Variants in RALGPS1 observed in about 807,000 individuals in gnomAD.
RALGPS1 encodes the protein Ral GEF with PH domain and SH3 binding motif 1.
A neutral mutation model predicts 78.8 loss-of-function variants in RALGPS1; 19 were observed. That is an observed-to-expected ratio of 0.24 (90% CI 0.17 to 0.35). The LOEUF is 0.35. RALGPS1 is among the 10% of genes least tolerant of loss of function. RALGPS1 has a pLI of 1.00. For missense variants in RALGPS1, 454 were observed against 688.3 expected (o/e 0.66, Z 3.81); for synonymous variants, 228 against 256.3 (o/e 0.89, Z 1.06).
chr9:126,939,779 C>G, intron 1 of RALGPS1, among the ~76,000 whole-genome samples: 1 of 152,196 alleles, frequency 6.6e-6, no homozygotes, highest in East Asian at 1.9e-4. Context: ...TATGGTTGAG[C>G]AGGGAGCAGC....
intron 1 of RALGPS1, among the ~76,000 whole-genome samples, chr9:126,918,936 C>G (rs953193660): frequency 6.6e-6 from 1 of 152,124 alleles, no homozygotes; most frequent in African/African-American, 2.4e-5. Context: ...TCCCAAAGTG[C>G]TGGGATTATA....
intron 4 of RALGPS1, among the ~76,000 whole-genome samples, chr9:126,981,568 C>T (rs745876642): frequency 6.1e-4 from 93 of 152,308 alleles, no homozygotes; most frequent in Middle Eastern, 3.4e-3. Flanking sequence ...GCTGGGTAGC[C>T]TGGGCTGTTT....
intron 8 of RALGPS1, among the ~76,000 whole-genome samples, chr9:127,154,553 G>A (rs1038576911): frequency 1.3e-5 from 2 of 152,228 alleles, no homozygotes; most frequent in Admixed American, 6.5e-5. Flanking sequence ...TTACTTTGAG[G>A]AAGTGAAAAT....
At chr9:127,073,926 G>A (rs1333654965) in intron 8 of RALGPS1, among the ~76,000 whole-genome samples, 2 of 152,080 alleles carry the variant, frequency 1.3e-5, no homozygotes, top group African/African-American at 4.8e-5. Context: ...TTGTTGCCCA[G>A]GCTGGAGTGC....
At chr9:127,107,751 C>T (rs1484864087) in intron 8 of RALGPS1, among the ~76,000 whole-genome samples, 1 of 152,200 alleles carries the variant, frequency 6.6e-6, no homozygotes, top group Non-Finnish European at 1.5e-5. Flanking sequence ...CACCCGTCAC[C>T]CTGCTGGCTC....
chr9:127,078,378 C>A (rs931979745), intron 8 of RALGPS1, among the ~76,000 whole-genome samples: 1 of 152,128 alleles, frequency 6.6e-6, no homozygotes, highest in Non-Finnish European at 1.5e-5. Context: ...TATTAAAACC[C>A]ATTTTATGAA....
At chr9:126,973,932 G>A (rs920494500) in intron 3 of RALGPS1, among the ~76,000 whole-genome samples, 1 of 152,158 alleles carries the variant, frequency 6.6e-6, no homozygotes, top group African/African-American at 2.4e-5. Flanking sequence ...GAGTGCAGTG[G>A]TGCGATTTCG....
chr9:127,164,681 A>C (rs1344052782), intron 8 of RALGPS1, among the ~76,000 whole-genome samples: 2 of 151,816 alleles, frequency 1.3e-5, no homozygotes, highest in Non-Finnish European at 2.9e-5. Flanking sequence ...CTGAGACTAC[A>C]GGTATGCACC....
chr9:127,194,479 C>T (rs1443260020), intron 11 of RALGPS1, among the ~76,000 whole-genome samples: 1 of 152,236 alleles, frequency 6.6e-6, no homozygotes, highest in Non-Finnish European at 1.5e-5. Context: ...GTGGCACAAT[C>T]TTGGCTCACT....
At position 127,050,525 on chromosome 9, in the gene RALGPS1, G is replaced by A. The variant is rs532958581; in HGVS notation, c.390+393G>A. The stretch of plus-strand genomic sequence containing the variant: ...TAGTTAGCATCAATGCTCAATGCTT[G>A]TGATATCATTACATCCTGCACAATA... On this transcript the variant is annotated intron_variant, in intron 6 of 18. Coordinates refer to ENST00000259351, the MANE Select transcript of RALGPS1 (RefSeq NM_014636.3). Among the ~76,000 whole-genome samples the A allele has an allele frequency of 5.3e-5, 8 of 152,288 alleles. No individual in the cohort carries two copies. The Middle Eastern group carries it at 0.017, about 324-fold the overall frequency.
intron 14 of RALGPS1, among the ~76,000 whole-genome samples, chr9:127,202,974 A>G (rs1209278700): frequency 1.3e-5 from 2 of 152,304 alleles, no homozygotes; most frequent in East Asian, 1.9e-4. Flanking sequence ...ATGATCTCCA[A>G]CCAACCTCGG....
chr9:127,057,368 T>C (rs980003374), intron 7 of RALGPS1, among the ~76,000 whole-genome samples: 3 of 152,122 alleles, frequency 2.0e-5, no homozygotes, highest in African/African-American at 7.2e-5. Flanking sequence ...GTTACAGGTG[T>C]GGGAGGATAC....
chr9:127,091,867 T>C lies in RALGPS1; in HGVS notation c.610+22511T>C. The C allele has an allele frequency of 1.2e-6, 2 of 1,614,180 alleles. No homozygotes were observed. Among genetic ancestry groups the C allele is most frequent in the Non-Finnish European group, 1.7e-6 (2 of 1,180,026 alleles). The stretch of plus-strand genomic sequence containing the variant: ...CTCCATGGTCACCAGGAGTTTGTAG[T>C]TGCCTTGGTTCGTCAGCCAGTAAAT... On this transcript the variant is annotated intron_variant, in intron 8 of 18. Coordinates refer to ENST00000259351, the MANE Select transcript of RALGPS1 (RefSeq NM_014636.3). The surrounding 1 kb of genome is among the most constrained non-coding windows in gnomAD (Gnocchi z 4.3).
intron 8 of RALGPS1, among the ~76,000 whole-genome samples, chr9:127,085,891 G>A (rs1443045189): frequency 2.6e-5 from 4 of 152,184 alleles, no homozygotes; most frequent in African/African-American, 7.2e-5. Context: ...TCCTCAAATA[G>A]CATTCAGATT....
intron 8 of RALGPS1, among the ~76,000 whole-genome samples, chr9:127,123,693 C>CA (rs2056370419): frequency 6.6e-6 from 1 of 152,170 alleles, no homozygotes; most frequent in South Asian, 2.1e-4. Context: ...TTGATAGAAT[C>CA]AGAGTAAGAA....
chr9:127,194,643 C>T (rs1320149568), intron 11 of RALGPS1, among the ~76,000 whole-genome samples: 1 of 152,178 alleles, frequency 6.6e-6, no homozygotes, highest in Non-Finnish European at 1.5e-5. Context: ...GAACACCTGA[C>T]CTCAGGTGAT....
At chr9:127,078,885 T>C (rs1363638243) in intron 8 of RALGPS1, among the ~76,000 whole-genome samples, 5 of 152,262 alleles carry the variant, frequency 3.3e-5, no homozygotes, top group Non-Finnish European at 5.9e-5. Flanking sequence ...TGTTTTACTA[T>C]GTGATTGCAC....
At chr9:127,036,864 A>G (rs1280728115) in intron 5 of RALGPS1, among the ~76,000 whole-genome samples, 1 of 152,200 alleles carries the variant, frequency 6.6e-6, no homozygotes, top group Non-Finnish European at 1.5e-5. Context: ...AACTGCAGAG[A>G]TATACAAATT....
chr9:126,948,225 A>G (rs991452194), intron 1 of RALGPS1, among the ~76,000 whole-genome samples: 15 of 152,152 alleles, frequency 9.9e-5, no homozygotes, highest in Non-Finnish European at 2.1e-4. Context: ...CTTTTCTTTT[A>G]AAAATTGAGG....
Sources: gnomAD v4.1 joint callset for allele counts (sites outside exome capture counted in the v4.1 genomes callset) on GRCh38, gnomAD v4.1.1 for gene constraint, Gnocchi (gnomAD v3.1) non-coding constraint, MANE v1.5 for transcripts, NCBI Gene and HGNC (gene_info 2026-07-23, HGNC 2026-07-21) for gene names.